Variants in FKBP5 observed in about 807,000 individuals in gnomAD.
FKBP5 encodes FKBP prolyl isomerase 5.
In FKBP5, 23 loss-of-function variants were observed where a neutral mutation model predicts 50.5. The ratio of observed to expected loss-of-function variants is 0.46; its 90% CI spans 0.33 to 0.65. The LOEUF (loss-of-function observed/expected upper bound fraction) is 0.65. Ranked by LOEUF, FKBP5 falls within the 30% of genes least tolerant of loss-of-function variation. The probability of loss-of-function intolerance (pLI) is 0.02; values close to 1 mark genes in which losing one functional copy is unlikely to be tolerated. For synonymous variants in FKBP5, 176 were observed against 190.6 expected, an observed-to-expected ratio of 0.92 and a Z score of 0.63; for missense variants, 411 against 553.1, an observed-to-expected ratio of 0.74 and a Z score of 2.58.
intron 2 of FKBP5, among the ~76,000 whole-genome samples, chr6:35,705,963 A>G (rs1009094986): frequency 1.3e-5 from 2 of 152,144 alleles, no homozygotes; most frequent in African/African-American, 4.8e-5. Context: ...TACAAAAATT[A>G]TCCAGGTGTG....
At chr6:35,649,250 A>AC (rs1764718330) in intron 1 of FKBP5, among the ~76,000 whole-genome samples, 1 of 52,454 alleles carries the variant, frequency 1.9e-5, no homozygotes, top group Non-Finnish European at 6.2e-5. Context: ...GACTCTGTCT[A>AC]AAAAAAAAAA....
chr6:35,603,240 GT>G (rs1183238318), intron 5 of FKBP5, among the ~76,000 whole-genome samples: 1 of 152,182 alleles, frequency 6.6e-6, no homozygotes, highest in Non-Finnish European at 1.5e-5. Flanking sequence ...CTAAAGGAAT[GT>G]TAGCTATAAT....
intron 9 of FKBP5, 112 bp downstream of exon 9, chr6:35,579,921 TAAA>T: frequency 1.3e-6 from 1 of 767,178 alleles, no homozygotes; most frequent in East Asian, 2.6e-5. Context: ...TTCAAATAAA[TAAA>T]AAAAAGCAAA....
chr6:35,601,808 A>C (rs528279562), intron 5 of FKBP5, among the ~76,000 whole-genome samples: 5 of 152,328 alleles, frequency 3.3e-5, no homozygotes, highest in Admixed American at 6.5e-5. Flanking sequence ...ATAAAAGTAC[A>C]TACAGGATGC....
intron 1 of FKBP5, among the ~76,000 whole-genome samples, chr6:35,675,224 T>G (rs1426542884): frequency 6.6e-6 from 1 of 152,268 alleles, no homozygotes; most frequent in Non-Finnish European, 1.5e-5. Flanking sequence ...GTGGTAGTGA[T>G]AAGATTCACT....
intron 6 of FKBP5, 131 bp downstream of exon 6, chr6:35,597,117 C>T: frequency 1.0e-6 from 1 of 953,520 alleles, no homozygotes; most frequent in Non-Finnish European, 1.6e-6. Context: ...TGATGACTAA[C>T]TGCAGCCTGA....
intron 5 of FKBP5, among the ~76,000 whole-genome samples, chr6:35,598,088 G>A (rs1408264895): frequency 6.6e-6 from 1 of 152,076 alleles, no homozygotes; most frequent in Non-Finnish European, 1.5e-5. Context: ...GGTCAATTTT[G>A]GGAGGCCTAA....
intron 1 of FKBP5, among the ~76,000 whole-genome samples, chr6:35,725,724 GTATAAA>G (rs1282658649): frequency 6.6e-6 from 1 of 152,154 alleles, no homozygotes; most frequent in East Asian, 1.9e-4. Context: ...AAAGAAGGAA[GTATAAA>G]TATAAAGCGG....
chr6:35,718,720 TGAATGAAGAAAGG>T (rs1766555355), intron 2 of FKBP5, among the ~76,000 whole-genome samples: 1 of 152,184 alleles, frequency 6.6e-6, no homozygotes, highest in Admixed American at 6.5e-5. Context: ...TAACTGTTTT[TGAATGAAGAAAGG>T]AAGGAAAGAA....
intron 1 of FKBP5, among the ~76,000 whole-genome samples, chr6:35,682,510 T>C (rs151229770): frequency 0.012 from 1,879 of 152,250 alleles, 32 homozygotes; most frequent in Middle Eastern, 0.054. Context: ...CAATCTGAAA[T>C]TTGCAACCCT....
At chr6:35,708,059 A>T (rs1766353516) in intron 2 of FKBP5, among the ~76,000 whole-genome samples, 1 of 152,228 alleles carries the variant, frequency 6.6e-6, no homozygotes, top group Non-Finnish European at 1.5e-5. Context: ...ACTTCTTCAG[A>T]GGGAAATTTG....
chr6:35,669,099 A>G (rs1425544748), intron 1 of FKBP5, among the ~76,000 whole-genome samples: 1 of 152,234 alleles, frequency 6.6e-6, no homozygotes, highest in East Asian at 1.9e-4. Context: ...TATAGACTGT[A>G]TTAATAAATC....
intron 2 of FKBP5, among the ~76,000 whole-genome samples, chr6:35,699,128 C>T (rs549905556): frequency 1.2e-4 from 18 of 152,280 alleles, no homozygotes; most frequent in African/African-American, 4.3e-4. Flanking sequence ...CCAAACTGGC[C>T]TTACTCACAC....
intron 8 of FKBP5, chr6:35,582,266 TA>T: frequency 3.0e-6 from 3 of 985,418 alleles, no homozygotes; most frequent in Non-Finnish European, 3.6e-6. Context: ...CATTTTATTT[TA>T]AATGCTGAAA....
rs149143788 is a variant in FKBP5, at chr6:35,721,822, T to C, written c.-240-1274A>G. On this transcript the variant is annotated intron_variant, in intron 1 of 11. Transcript: ENST00000536438. The stretch of plus-strand genomic sequence containing the variant: ...ATTTTGACCAAGAAACTAACCTTCC[T>C]GACCAAGCCTCAGTTTCCATCTCTA... 3.3e-4 allele frequency among the ~76,000 whole-genome samples: 51 copies of C among 152,390 alleles called. 1 individual carries two copies. In the East Asian group the frequency reaches 9.2e-3, roughly 28 times the overall value.
intron 5 of FKBP5, among the ~76,000 whole-genome samples, chr6:35,601,944 A>T (rs921631827): frequency 5.9e-5 from 9 of 152,368 alleles, no homozygotes; most frequent in African/African-American, 2.2e-4. Context: ...CCACAAAGTC[A>T]AACCAAACCA....
intron 1 of FKBP5, among the ~76,000 whole-genome samples, chr6:35,680,127 A>AGAGAAAC (rs1765628312): frequency 6.6e-6 from 1 of 152,080 alleles, no homozygotes; most frequent in Non-Finnish European, 1.5e-5. Flanking sequence ...GAAAAAAAAA[A>AGAGAAAC]AAGATTTAAA....
chr6:35,584,978 C>A, intron 8 of FKBP5: 1 of 985,422 alleles, frequency 1.0e-6, no homozygotes, highest in Non-Finnish European at 1.2e-6. Flanking sequence ...GGCCATCTCT[C>A]TGTATATATT....
rs1484859330 is a variant in FKBP5, at chr6:35,659,967, A to G, written c.-19-17124T>C. On this transcript the variant is annotated intron_variant, in intron 1 of 10. Transcript: ENST00000357266. The stretch of plus-strand genomic sequence containing the variant: ...TAATTTCTTAAGGTGAAAGCTGAGG[A>G]CACTGATTTGTGATTTTACTTCTTA... Among the ~76,000 whole-genome samples, 2 of 76,940 alleles carry G rather than the reference A, an allele frequency of 2.6e-5. 1 individual carries two copies. The highest frequency in any genetic ancestry group is 9.0e-5 in the African/African-American group (2 of 22,142). 50.5% of individuals were successfully genotyped at this position (76,940 alleles called of 152,430 possible).
Sources: gnomAD v4.1 joint callset for allele counts (sites outside exome capture counted in the v4.1 genomes callset) on GRCh38, gnomAD v4.1.1 for gene constraint, MANE v1.5 for transcripts, NCBI Gene and HGNC (gene_info 2026-07-23, HGNC 2026-07-21) for gene names.